Variants in GRM7 observed in about 807,000 individuals in gnomAD.
GRM7 encodes the protein glutamate metabotropic receptor 7.
GRM7 carries 35 observed loss-of-function variants against 84.5 expected under a neutral mutation model. The observed-to-expected ratio is 0.41, with a 90% CI of 0.32 to 0.55. The LOEUF is 0.55. GRM7 is among the 20% of genes least tolerant of loss of function. The pLI is 0.19. For synonymous variants in GRM7, 487 were observed against 455.1 expected, an observed-to-expected ratio of 1.07 and a Z score of -0.89; for missense variants, 1,003 against 1,194.6, an observed-to-expected ratio of 0.84 and a Z score of 2.36.
intron 1 of GRM7, among the ~76,000 whole-genome samples, chr3:7,093,279 T>C (rs908908585): frequency 3.3e-5 from 5 of 152,052 alleles, no homozygotes; most frequent in Middle Eastern, 6.8e-3. Flanking sequence ...TGACTGACTG[T>C]GATGGAGGAG....
chr3:7,692,724 G>C (rs1297039688), intron 9 of GRM7, among the ~76,000 whole-genome samples: 1 of 152,164 alleles, frequency 6.6e-6, no homozygotes, highest in Middle Eastern at 3.2e-3. Flanking sequence ...ACACACCAAT[G>C]AGTGGCAGAG....
intron 4 of GRM7, among the ~76,000 whole-genome samples, chr3:7,336,010 C>A (rs1286214980): frequency 6.6e-6 from 1 of 151,730 alleles, no homozygotes; most frequent in Admixed American, 6.6e-5. Context: ...GAAACTATTC[C>A]AAATGATAAA....
rs528717658 is a variant in GRM7, at chr3:7,335,963, A to G, written c.1033+29311A>G. ...CCAGATGGATTCACAGCTGAATTCT[A>G]TCAGACATTCAAAGATGAATTGGTA... On this transcript the variant is annotated intron_variant, in intron 4 of 9. Transcript: ENST00000357716. Among the ~76,000 whole-genome samples, 3 of 152,222 alleles carry G rather than the reference A, an allele frequency of 2.0e-5. No individual in the cohort carries two copies. In the South Asian group the frequency reaches 6.2e-4, roughly 32 times the overall value.
intron 1 of GRM7, among the ~76,000 whole-genome samples, chr3:6,889,754 G>A (rs1364718455): frequency 6.6e-6 from 1 of 152,160 alleles, no homozygotes; most frequent in East Asian, 1.9e-4. Flanking sequence ...CAGCAAATGA[G>A]TTAGGGAGGA....
rs114171850 is a variant in GRM7 at position 7,575,876 on chromosome 3, G to A, written c.1516-2546G>A. On this transcript the variant is annotated intron_variant, in intron 7 of 9. Transcript: ENST00000357716. ...AAGTTAAGAAAAAAAAAGCTGGGCA[G>A]CATTGCCAGGTATTTTATTTTATTC... 7.2e-3 allele frequency among the ~76,000 whole-genome samples: 1,099 copies of A among 152,292 alleles called. 3 individuals are homozygous for A. The highest frequency in any genetic ancestry group is 0.011 in the Non-Finnish European group (737 of 68,002).
intron 1 of GRM7, among the ~76,000 whole-genome samples, chr3:7,117,538 TC>T (rs1559452152): frequency 1.3e-5 from 2 of 152,284 alleles, no homozygotes; most frequent in Non-Finnish European, 2.9e-5. Context: ...GTCTAAGCTA[TC>T]CCCTGACTCT....
intron 6 of GRM7, among the ~76,000 whole-genome samples, chr3:7,454,451 T>A (rs1274451616): frequency 6.6e-6 from 1 of 152,086 alleles, no homozygotes; most frequent in East Asian, 1.9e-4. Flanking sequence ...CAAATAATCA[T>A]AATTATATTA....
chr3:7,705,621 G>T (rs1701359515), intron 9 of GRM7, among the ~76,000 whole-genome samples: 2 of 152,172 alleles, frequency 1.3e-5, no homozygotes, highest in Admixed American at 6.6e-5. Context: ...AACACAAAAT[G>T]GATGGGAAAG....
intron 7 of GRM7, among the ~76,000 whole-genome samples, chr3:7,500,180 C>G (rs1699840363): frequency 6.6e-6 from 1 of 152,178 alleles, no homozygotes; most frequent in South Asian, 2.1e-4. Flanking sequence ...TTCTTGAATT[C>G]ACTATGAAGC....
intron 2 of GRM7, among the ~76,000 whole-genome samples, chr3:7,189,428 T>C (rs1695632965): frequency 6.6e-6 from 1 of 152,204 alleles, no homozygotes; most frequent in African/African-American, 2.4e-5. Context: ...GATCTGGCTT[T>C]GGGTTTATAA....
At chr3:7,353,670 A>G (rs975858055) in intron 4 of GRM7, among the ~76,000 whole-genome samples, 8 of 152,154 alleles carry the variant, frequency 5.3e-5, no homozygotes, top group Non-Finnish European at 1.2e-4. Context: ...AATAGAGAGC[A>G]CAAACATTCT....
intron 1 of GRM7, among the ~76,000 whole-genome samples, chr3:7,035,372 G>C (rs776682665): frequency 1.1e-4 from 16 of 152,076 alleles, no homozygotes; most frequent in Non-Finnish European, 2.1e-4. Flanking sequence ...ATATGGTCAC[G>C]TGAGAGTAGG....
intron 1 of GRM7, among the ~76,000 whole-genome samples, chr3:7,129,756 C>A (rs1196911796): frequency 2.0e-5 from 3 of 152,184 alleles, no homozygotes; most frequent in Non-Finnish European, 2.9e-5. Context: ...TCCTTGGTGA[C>A]TGAAACTTCC....
chr3:6,983,325 A>G (rs1018021452), intron 1 of GRM7, among the ~76,000 whole-genome samples: 2 of 152,178 alleles, frequency 1.3e-5, no homozygotes, highest in Non-Finnish European at 2.9e-5. Flanking sequence ...CATATGCAAG[A>G]AAAATTAGGC....
rs1401990168 is a variant in GRM7, at chr3:7,615,942, AGT to A, written c.2451+36588_2451+36589del. ...ATTTATATATACTTGAATACTTATA[AGT>A]GTATTACATATATAAACACACACAC... On this transcript the variant is annotated intron_variant, in intron 8 of 9. Coordinates refer to ENST00000357716, the MANE Select transcript of GRM7 (RefSeq NM_000844.4). Among the ~76,000 whole-genome samples the A allele has an allele frequency of 1.8e-4, 27 of 152,104 alleles. No individual in the cohort carries two copies. The South Asian group carries it at 5.0e-3, about 28-fold the overall frequency.
chr3:7,545,881 T>C (rs2125019929), intron 7 of GRM7, among the ~76,000 whole-genome samples: 1 of 152,228 alleles, frequency 6.6e-6, no homozygotes, highest in Non-Finnish European at 1.5e-5. Flanking sequence ...GCCAACAAAC[T>C]TAACCTTTTG....
chr3:7,613,834 A>T (rs1274773710), intron 8 of GRM7, among the ~76,000 whole-genome samples: 3 of 152,188 alleles, frequency 2.0e-5, no homozygotes, highest in Non-Finnish European at 4.4e-5. Context: ...AAGTTGTGGT[A>T]TAGGGAAACT....
At chr3:6,969,010 T>C (rs1477636844) in intron 1 of GRM7, among the ~76,000 whole-genome samples, 1 of 152,176 alleles carries the variant, frequency 6.6e-6, no homozygotes, top group African/African-American at 2.4e-5. Flanking sequence ...ATTTCAATGA[T>C]GTCATGTTAG....
chr3:7,546,487 T>A (rs149228200), intron 7 of GRM7, among the ~76,000 whole-genome samples: 1 of 152,316 alleles, frequency 6.6e-6, no homozygotes, highest in East Asian at 1.9e-4. Flanking sequence ...AGAAACAAGA[T>A]AACTTGCCGT....
Sources: allele counts gnomAD v4.1 joint callset (sites outside exome capture counted in the v4.1 genomes callset), GRCh38; gene constraint gnomAD v4.1.1; transcripts MANE v1.5; gene names NCBI Gene and HGNC (gene_info 2026-07-23, HGNC 2026-07-21).